The following MIPOL1 variants were observed in gnomAD, a reference collection of about 807,000 sequenced individuals.
MIPOL1 encodes the protein mirror-image polydactyly 1.
A neutral mutation model predicts 60.9 loss-of-function variants in MIPOL1; 57 were observed. That is an observed-to-expected ratio of 0.94 (90% CI 0.76 to 1.17). MIPOL1 has a LOEUF of 1.17. Among genes scored for constraint, MIPOL1 ranks in the 50% most tolerant of loss-of-function variants. MIPOL1 has a pLI of 0.00. For synonymous variants in MIPOL1, 179 were observed against 168.8 expected (o/e 1.06, Z -0.47); for missense variants, 551 against 511.6 (o/e 1.08, Z -0.74).
intron 1 of MIPOL1, among the ~76,000 whole-genome samples, chr14:37,199,507 G>T (rs1448118761): frequency 6.6e-6 from 1 of 151,950 alleles, no homozygotes; most frequent in Admixed American, 6.6e-5. Context: ...ATATTTTGAT[G>T]AAATTATGTA....
At chr14:37,418,814 G>A (rs901423145) in intron 10 of MIPOL1, among the ~76,000 whole-genome samples, 1 of 151,998 alleles carries the variant, frequency 6.6e-6, no homozygotes, top group Non-Finnish European at 1.5e-5. Context: ...TGGTCAAAAA[G>A]TGGCATTGAT....
intron 7 of MIPOL1, among the ~76,000 whole-genome samples, chr14:37,297,392 C>T (rs1197883178): frequency 6.6e-6 from 1 of 152,120 alleles, no homozygotes; most frequent in Non-Finnish European, 1.5e-5. Context: ...TGAAAACTGG[C>T]ACAAGACAGG....
Position 37,204,866 on chromosome 14 carries a change from A to C in MIPOL1, c.-199+6762A>C, listed in dbSNP as rs574051979. ...GGAATAGTTTGGAGGGCTCAGAAGA[A>C]GACAGGAAAATGTGGGAAAGTTTGG... is the stretch of plus-strand genomic sequence containing the variant. On this transcript the variant is annotated intron_variant, in intron 1 of 12. Transcript: ENST00000684589. 2.0e-5 allele frequency among the ~76,000 whole-genome samples: 3 copies of C among 152,262 alleles called. No individual in the cohort carries two copies. In the East Asian group the frequency reaches 5.8e-4, roughly 30 times the overall value.
chr14:37,348,088 T>C (rs2091076150), intron 9 of MIPOL1, among the ~76,000 whole-genome samples: 1 of 152,132 alleles, frequency 6.6e-6, no homozygotes. Flanking sequence ...TGGTAGTCCC[T>C]AGTGTCTTGT....
chr14:37,403,665 T>A (rs1279869661), intron 10 of MIPOL1, among the ~76,000 whole-genome samples: 1 of 152,116 alleles, frequency 6.6e-6, no homozygotes, highest in Non-Finnish European at 1.5e-5. Context: ...CTGTTCATCG[T>A]TTTTTATTAC....
intron 6 of MIPOL1, chr14:37,278,100 A>G (rs949768525): frequency 6.6e-6 from 1 of 151,632 alleles, no homozygotes; most frequent in Non-Finnish European, 1.5e-5. Context: ...AATGTTGCAA[A>G]GTCCAGTTTT....
intron 1 of MIPOL1, among the ~76,000 whole-genome samples, chr14:37,203,991 C>G (rs1965695192): frequency 6.6e-6 from 1 of 152,034 alleles, no homozygotes; most frequent in Non-Finnish European, 1.5e-5. Flanking sequence ...ACCACGTTAG[C>G]CAGGATGGTC....
intron 11 of MIPOL1, among the ~76,000 whole-genome samples, chr14:37,433,049 ATGT>A (rs1171772333): frequency 6.6e-6 from 1 of 152,222 alleles, no homozygotes; most frequent in South Asian, 2.1e-4. Flanking sequence ...TGAAGGGCTG[ATGT>A]TGTACTTTTT....
chr14:37,225,741 A>G (rs1398243437), intron 1 of MIPOL1, among the ~76,000 whole-genome samples: 1 of 152,094 alleles, frequency 6.6e-6, no homozygotes, highest in Non-Finnish European at 1.5e-5. Flanking sequence ...ACTTATGCAA[A>G]TTTATGCAGT....
At chr14:37,353,757 G>C (rs867000055) in intron 9 of MIPOL1, among the ~76,000 whole-genome samples, 2 of 151,970 alleles carry the variant, frequency 1.3e-5, no homozygotes, top group East Asian at 1.9e-4. Context: ...GTGATATCCA[G>C]TTTATCATTT....
chr14:37,460,406 T>G (rs986829892), intron 11 of MIPOL1, among the ~76,000 whole-genome samples: 4 of 152,090 alleles, frequency 2.6e-5, no homozygotes, highest in African/African-American at 9.7e-5. Flanking sequence ...ACAGCCAATA[T>G]CTTACTGAAT....
chr14:37,504,151 A>G (rs1440716982), intron 12 of MIPOL1: 4 of 152,184 alleles, frequency 2.6e-5, no homozygotes, highest in Non-Finnish European at 4.4e-5. Flanking sequence ...CCACACAGTG[A>G]TAATGGGAGA....
intron 12 of MIPOL1, among the ~76,000 whole-genome samples, chr14:37,529,595 A>T (rs2095468273): frequency 6.6e-6 from 1 of 152,222 alleles, no homozygotes; most frequent in Non-Finnish European, 1.5e-5. Context: ...TTCATAGAGT[A>T]GGATGGCACT....
intron 11 of MIPOL1, among the ~76,000 whole-genome samples, chr14:37,469,203 C>A (rs1344204656): frequency 6.6e-6 from 1 of 152,096 alleles, no homozygotes; most frequent in Non-Finnish European, 1.5e-5. Flanking sequence ...CACAGTTCTG[C>A]AGGCTGTGTA....
intron 6 of MIPOL1, among the ~76,000 whole-genome samples, chr14:37,282,359 G>A (rs887361183): frequency 2.0e-5 from 3 of 151,824 alleles, no homozygotes; most frequent in African/African-American, 7.3e-5. Context: ...TCCTGCCTCA[G>A]CCACCTGTGT....
chr14:37,503,445 A>G (rs75907783), intron 12 of MIPOL1: 1 of 152,208 alleles, frequency 6.6e-6, no homozygotes, highest in Admixed American at 6.5e-5. Flanking sequence ...AGTAGGGGCC[A>G]ATATTCAACA....
chr14:37,246,215 A>G (rs1193683401), intron 1 of MIPOL1, among the ~76,000 whole-genome samples: 1 of 152,134 alleles, frequency 6.6e-6, no homozygotes, highest in African/African-American at 2.4e-5. Context: ...CATTAAGAGA[A>G]CAGAGGTGTT....
chr14:37,296,912 T>C (rs1294649092), intron 7 of MIPOL1, among the ~76,000 whole-genome samples: 1 of 152,118 alleles, frequency 6.6e-6, no homozygotes, highest in Non-Finnish European at 1.5e-5. Flanking sequence ...CTGAAACTAT[T>C]CCAATCAATA....
intron 1 of MIPOL1, among the ~76,000 whole-genome samples, chr14:37,226,675 A>G (rs1167738712): frequency 1.3e-5 from 2 of 152,282 alleles, no homozygotes; most frequent in East Asian, 3.9e-4. Flanking sequence ...TGGTGCATGC[A>G]TGCCTTTAGT....
Sources: gnomAD v4.1 joint callset for allele counts (sites outside exome capture counted in the v4.1 genomes callset) on GRCh38, gnomAD v4.1.1 for gene constraint, MANE v1.5 for transcripts, NCBI Gene and HGNC (gene_info 2026-07-23, HGNC 2026-07-21) for gene names.